DDAH1: variants seen among roughly 807,000 people sequenced by gnomAD.
The protein encoded by DDAH1 is dimethylarginine dimethylaminohydrolase 1.
In DDAH1, 19 loss-of-function variants were observed where a neutral mutation model predicts 28.8. The ratio of observed to expected loss-of-function variants is 0.66; its 90% CI spans 0.46 to 0.97. The LOEUF (loss-of-function observed/expected upper bound fraction) is 0.97, where lower values mean the gene tolerates loss of function less well. Among genes scored for constraint, DDAH1 ranks in the 50% least tolerant of loss-of-function variants. The pLI, the probability that DDAH1 is intolerant of heterozygous loss-of-function variation, is 0.00. For missense variants in DDAH1, 326 were observed against 375.9 expected (o/e 0.87, Z 1.10); for synonymous variants, 153 against 154.4 (o/e 0.99, Z 0.07).
In DDAH1 at chr1:85,332,560, G is replaced by A. The variant is rs141926404; in HGVS notation, c.598-7677C>T. 6.4e-3 allele frequency among the ~76,000 whole-genome samples: 974 copies of A among 152,294 alleles called. 4 individuals carry two copies. The highest frequency in any genetic ancestry group is 0.01 in the Non-Finnish European group (708 of 67,998). ...CTTGTTCACCACAGCCTGGGCCCAT[G>A]GGCCCCATGGGGGGCCTGAGAATAG... On this transcript the variant is annotated intron_variant, in intron 4 of 5. Coordinates refer to ENST00000284031, the MANE Select transcript of DDAH1 (RefSeq NM_012137.4).
intron 4 of DDAH1, among the ~76,000 whole-genome samples, chr1:85,334,353 T>C (rs529373009): frequency 2.4e-3 from 367 of 152,274 alleles, no homozygotes; most frequent in Non-Finnish European, 4.4e-3. Context: ...TAAAGCAGTA[T>C]GAAAACGGAC....
At chr1:85,503,854 T>C (rs962317473) in intron 1 of DDAH1, among the ~76,000 whole-genome samples, 12 of 151,992 alleles carry the variant, frequency 7.9e-5, no homozygotes, top group African/African-American at 2.9e-4. Context: ...CAGGTGATGA[T>C]GGGGGAAAAG....
At chr1:85,393,916 G>A (rs528109127) in intron 1 of DDAH1, among the ~76,000 whole-genome samples, 15 of 152,250 alleles carry the variant, frequency 9.9e-5, no homozygotes, top group African/African-American at 3.1e-4. Context: ...TGAAAAACTG[G>A]CAAATAGAGA....
chr1:85,565,951 C>T (rs969514149), intron 1 of DDAH1, among the ~76,000 whole-genome samples: 4 of 151,950 alleles, frequency 2.6e-5, no homozygotes, highest in East Asian at 1.9e-4. Context: ...TGTGGTGGCA[C>T]GCGCCTGTTA....
intron 1 of DDAH1, among the ~76,000 whole-genome samples, chr1:85,553,589 A>G (rs1021962668): frequency 6.6e-6 from 1 of 152,234 alleles, no homozygotes; most frequent in Non-Finnish European, 1.5e-5. Context: ...GACAGCAGGC[A>G]GACAGACACA....
intron 1 of DDAH1, among the ~76,000 whole-genome samples, chr1:85,449,300 T>A (rs1654565134): frequency 6.6e-6 from 1 of 152,166 alleles, no homozygotes; most frequent in Admixed American, 6.5e-5. Flanking sequence ...CATAGCAGTA[T>A]GTTTGAGAGA....
intron 1 of DDAH1, chr1:85,379,535 C>T: frequency 1.0e-6 from 1 of 961,272 alleles, no homozygotes; most frequent in South Asian, 4.8e-5. Flanking sequence ...AAGCTTTTTA[C>T]CTTTACCATT....
rs570406338 is a variant in DDAH1 at position 85,492,803 on chromosome 1, T to C, written c.-7+3363A>G. ...TAAATGACATTTTGTAGTAAAACCC[T>C]TATGTTTTTCAGCTTGTAATTACTC... On this transcript the variant is annotated intron_variant, in intron 2 of 6. Transcript: ENST00000426972. 1.6e-4 allele frequency among the ~76,000 whole-genome samples: 24 copies of C among 152,288 alleles called. No homozygotes were observed. In the South Asian group the frequency reaches 4.8e-3, roughly 30 times the overall value.
intron 1 of DDAH1, among the ~76,000 whole-genome samples, chr1:85,411,688 T>C (rs1652661478): frequency 6.6e-6 from 1 of 152,240 alleles, no homozygotes; most frequent in African/African-American, 2.4e-5. Context: ...CAGTTCCTGA[T>C]AGCTGCCATG....
intron 1 of DDAH1, among the ~76,000 whole-genome samples, chr1:85,388,205 T>C (rs1215267358): frequency 2.0e-5 from 3 of 152,186 alleles, no homozygotes; most frequent in Non-Finnish European, 2.9e-5. Context: ...TGTCTGTAAA[T>C]TGGAGATCAC....
In DDAH1 at chr1:85,400,197, T is replaced by C. The variant is rs1265696723; in HGVS notation, c.304-41350A>G. 4.1e-4 allele frequency among the ~76,000 whole-genome samples: 42 copies of C among 103,484 alleles called. 1 individual carries two copies. Among genetic ancestry groups the C allele is most frequent in the Non-Finnish European group, 7.0e-4 (35 of 50,304 alleles). The allele number at this position is 103,484 out of a possible 152,430, so 67.9% of individuals were successfully genotyped here. Reference sequence around the variant, plus strand: ...CTTTTCTTTTTTTTTTTTTTTTTTTTTTTTTTTTTTTGAGACGGAGTCTCA... The same window carrying C: ...CTTTTCTTTTTTTTTTTTTTTTTTTCTTTTTTTTTTTGAGACGGAGTCTCA... On this transcript the variant is annotated intron_variant, in intron 1 of 5. Coordinates refer to ENST00000284031, the MANE Select transcript of DDAH1 (RefSeq NM_012137.4).
At chr1:85,458,043 A>G (rs1337341728) in intron 1 of DDAH1, among the ~76,000 whole-genome samples, 1 of 152,214 alleles carries the variant, frequency 6.6e-6, no homozygotes, top group Non-Finnish European at 1.5e-5. Flanking sequence ...AAACAGAGGA[A>G]AATGCTGATG....
intron 1 of DDAH1, among the ~76,000 whole-genome samples, chr1:85,557,213 C>A (rs1658997994): frequency 6.6e-6 from 1 of 152,184 alleles, no homozygotes; most frequent in African/African-American, 2.4e-5. Flanking sequence ...AAGACAGGAA[C>A]TGTCTTTTGC....
chr1:85,340,397 A>C (rs947507790), intron 4 of DDAH1, among the ~76,000 whole-genome samples: 1 of 152,212 alleles, frequency 6.6e-6, no homozygotes, highest in Non-Finnish European at 1.5e-5. Context: ...AAATTCTACC[A>C]AAGGCACGCC....
intron 1 of DDAH1, among the ~76,000 whole-genome samples, chr1:85,393,689 C>T (rs6659486): frequency 0.27 from 40,500 of 151,986 alleles, 5,511 homozygotes; most frequent in Middle Eastern, 0.31. Flanking sequence ...TTTTCCTGCC[C>T]ATCTTGTCTT....
chr1:85,480,895 G>A (rs1222688170), intron 2 of DDAH1, among the ~76,000 whole-genome samples: 3 of 151,766 alleles, frequency 2.0e-5, no homozygotes, highest in African/African-American at 7.3e-5. Flanking sequence ...TAATGCTTTT[G>A]AAAATAATGT....
At chr1:85,496,910 C>A in intron 1 of DDAH1, among the ~76,000 whole-genome samples, 1 of 152,166 alleles carries the variant, frequency 6.6e-6, no homozygotes, top group South Asian at 2.1e-4. Flanking sequence ...TACTATAAAA[C>A]TAATATAACA....
chr1:85,322,387 A>C (rs909764577), intron 5 of DDAH1, among the ~76,000 whole-genome samples: 1 of 152,384 alleles, frequency 6.6e-6, no homozygotes, highest in South Asian at 2.1e-4. Context: ...AATAGAAAGC[A>C]TATGTCAAAA....
At chr1:85,474,383 C>A (rs1655722451) in intron 2 of DDAH1, among the ~76,000 whole-genome samples, 1 of 152,154 alleles carries the variant, frequency 6.6e-6, no homozygotes, top group Admixed American at 6.5e-5. Flanking sequence ...CCACCCAACA[C>A]CCCACCCCCA....
Sources: allele counts gnomAD v4.1 joint callset (sites outside exome capture counted in the v4.1 genomes callset), GRCh38; gene constraint gnomAD v4.1.1; transcripts MANE v1.5; gene names NCBI Gene and HGNC (gene_info 2026-07-23, HGNC 2026-07-21).